The following CADPS variants were observed in gnomAD, a reference collection of about 807,000 sequenced individuals.
CADPS encodes the protein calcium dependent secretion activator, also known as calcium-dependent secretion activator 1.
CADPS carries 57 observed loss-of-function variants against 167.3 expected under a neutral mutation model. That is an observed-to-expected ratio of 0.34 (90% CI 0.28 to 0.42). CADPS has a LOEUF of 0.42. Ranked by LOEUF, CADPS falls within the 20% of genes least tolerant of loss-of-function variation. The pLI, the probability that CADPS is intolerant of heterozygous loss-of-function variation, is 1.00. For missense variants in CADPS, 1,414 were observed against 1,738.1 expected (o/e 0.81, Z 3.32); for synonymous variants, 676 against 635.3 (o/e 1.06, Z -0.96).
At chr3:62,536,973 G>A (rs1378348061) in intron 11 of CADPS, among the ~76,000 whole-genome samples, 1 of 152,086 alleles carries the variant, frequency 6.6e-6, no homozygotes. Flanking sequence ...CATTCCAGTG[G>A]TTATGTCTAC....
chr3:62,460,697 A>C (rs1320996311), intron 26 of CADPS, among the ~76,000 whole-genome samples: 1 of 152,260 alleles, frequency 6.6e-6, no homozygotes, highest in East Asian at 1.9e-4. Flanking sequence ...ACTGATTTAC[A>C]CAAACGTCTC....
intron 28 of CADPS, among the ~76,000 whole-genome samples, chr3:62,418,808 G>A (rs2050729181): frequency 6.6e-6 from 1 of 151,946 alleles, no homozygotes; most frequent in Non-Finnish European, 1.5e-5. Context: ...AGGCCCTCCT[G>A]CCTTGAAAGA....
chr3:62,610,029 TAG>T (rs1456339505), intron 6 of CADPS, among the ~76,000 whole-genome samples: 5 of 151,842 alleles, frequency 3.3e-5, no homozygotes, highest in African/African-American at 9.7e-5. Flanking sequence ...GTCGAGGCTG[TAG>T]AGAGTCAAGA....
At position 62,424,838 on chromosome 3, in the gene CADPS, T is replaced by A. The variant is rs188076785; in HGVS notation, c.3777+13266A>T. Among the ~76,000 whole-genome samples the A allele has an allele frequency of 8.3e-4, 127 of 152,282 alleles. No homozygotes were observed. In the South Asian group the frequency reaches 0.015, roughly 18 times the overall value. On this transcript the variant is annotated intron_variant, in intron 28 of 29. Coordinates refer to ENST00000383710, the MANE Select transcript of CADPS (RefSeq NM_003716.4). Reference sequence around the variant, plus strand: ...CTTAATTCATGTTTTTGAGTTAGAATTGGAAACCGAAAATATACCTGACAA... The same window carrying A: ...CTTAATTCATGTTTTTGAGTTAGAAATGGAAACCGAAAATATACCTGACAA...
At chr3:62,467,725 G>A (rs2060109156) in intron 24 of CADPS, among the ~76,000 whole-genome samples, 1 of 152,102 alleles carries the variant, frequency 6.6e-6, no homozygotes, top group Non-Finnish European at 1.5e-5. Context: ...ATTTTGGAAC[G>A]GGAACAAAGC....
intron 28 of CADPS, among the ~76,000 whole-genome samples, chr3:62,422,864 T>C (rs2051751067): frequency 6.6e-6 from 1 of 152,210 alleles, no homozygotes; most frequent in Non-Finnish European, 1.5e-5. Flanking sequence ...TTGAGCATTG[T>C]TATTTAATAA....
chr3:62,846,918 T>C (rs1214691111), intron 1 of CADPS, among the ~76,000 whole-genome samples: 1 of 152,180 alleles, frequency 6.6e-6, no homozygotes, highest in Non-Finnish European at 1.5e-5. Flanking sequence ...TCCACCTGCC[T>C]CGGCCTCCCA....
chr3:62,583,140 T>G (rs1442796360), intron 8 of CADPS, among the ~76,000 whole-genome samples: 10 of 142,402 alleles, frequency 7.0e-5, no homozygotes, highest in Non-Finnish European at 7.5e-5. Flanking sequence ...CTCTTTGATC[T>G]GCCCTACCCT....
chr3:62,826,547 A>G (rs1362536903), intron 1 of CADPS, among the ~76,000 whole-genome samples: 5 of 152,188 alleles, frequency 3.3e-5, no homozygotes, highest in Non-Finnish European at 5.9e-5. Flanking sequence ...AGAAGGGCAG[A>G]AAGTGGTCTG....
intron 16 of CADPS, among the ~76,000 whole-genome samples, chr3:62,513,466 G>A (rs990074403): frequency 1.3e-5 from 2 of 151,916 alleles, no homozygotes; most frequent in African/African-American, 4.8e-5. Context: ...GTTTTAGGCT[G>A]ATAAAAAGTG....
intron 6 of CADPS, among the ~76,000 whole-genome samples, chr3:62,628,734 C>T (rs1033776045): frequency 6.6e-6 from 1 of 151,558 alleles, no homozygotes; most frequent in Non-Finnish European, 1.5e-5. Context: ...TCAAGTGATT[C>T]CCCTGCCTCA....
At chr3:62,463,950 G>A (rs2059661586) in intron 26 of CADPS, among the ~76,000 whole-genome samples, 2 of 152,142 alleles carry the variant, frequency 1.3e-5, no homozygotes, top group Non-Finnish European at 2.9e-5. Flanking sequence ...ATTTCCCTTA[G>A]TTCCCAGGAA....
At chr3:62,750,137 A>C (rs1366741957) in intron 3 of CADPS, among the ~76,000 whole-genome samples, 1 of 152,018 alleles carries the variant, frequency 6.6e-6, no homozygotes, top group Non-Finnish European at 1.5e-5. Flanking sequence ...GGGTCACCTG[A>C]GGTCCAGAGT....
At chr3:62,663,235 C>T (rs2073702428) in intron 3 of CADPS, among the ~76,000 whole-genome samples, 1 of 152,098 alleles carries the variant, frequency 6.6e-6, no homozygotes, top group African/African-American at 2.4e-5. Context: ...CAGCACTAAA[C>T]AATATGTAAG....
chr3:62,446,395 AT>A lies in CADPS; in HGVS notation c.3637-599del, dbSNP rs1389361087. On this transcript the variant is annotated intron_variant, in intron 26 of 29. Coordinates refer to ENST00000383710, the MANE Select transcript of CADPS (RefSeq NM_003716.4). This position sits in a 1 kb window ranked among gnomAD's most constrained non-coding sequence, Gnocchi z 4.9. ...GGGAAGTGCAGGAAGTGGTTATAAA[AT>A]TTTTAGTTTTGTGGGGAGGGAGTAT... Among the ~76,000 whole-genome samples, 2 of 152,222 alleles carry A rather than the reference AT, an allele frequency of 1.3e-5. No homozygotes were observed. The highest frequency in any genetic ancestry group is 3.9e-4 in the East Asian group (2 of 5,160).
chr3:62,647,725 A>C (rs1322628125), intron 5 of CADPS, among the ~76,000 whole-genome samples: 6 of 152,198 alleles, frequency 3.9e-5, no homozygotes, highest in African/African-American at 1.4e-4. Context: ...AAAGAGCACA[A>C]ATTTTGGAAT....
At chr3:62,423,882 T>C (rs1189061739) in intron 28 of CADPS, among the ~76,000 whole-genome samples, 2 of 152,214 alleles carry the variant, frequency 1.3e-5, no homozygotes, top group Non-Finnish European at 2.9e-5. Flanking sequence ...CTATCTCTAA[T>C]GTACAGTCAG....
chr3:62,854,537 A>G (rs1035014884), intron 1 of CADPS, among the ~76,000 whole-genome samples: 3 of 152,234 alleles, frequency 2.0e-5, no homozygotes, highest in Non-Finnish European at 2.9e-5. Flanking sequence ...TACAATGAGG[A>G]AAGTACTAAT....
chr3:62,823,059 C>T (rs1488050465), intron 1 of CADPS, among the ~76,000 whole-genome samples: 1 of 152,060 alleles, frequency 6.6e-6, no homozygotes, highest in African/African-American at 2.4e-5. Flanking sequence ...AAATGACCTG[C>T]CATTTATTCT....
Sources: allele counts gnomAD v4.1 joint callset (sites outside exome capture counted in the v4.1 genomes callset), GRCh38; gene constraint gnomAD v4.1.1; non-coding constraint Gnocchi (gnomAD v3.1); transcripts MANE v1.5; gene names NCBI Gene and HGNC (gene_info 2026-07-23, HGNC 2026-07-21).